RBFOX1: variants seen among roughly 807,000 people sequenced by gnomAD.
The protein encoded by RBFOX1 is RNA binding fox-1 homolog 1, also known as RNA binding protein fox-1 homolog 1.
Under a neutral mutation model 57.7 loss-of-function variants are expected in RBFOX1, and 8 were observed. The observed-to-expected ratio is 0.14, with a 90% confidence interval of 0.08 to 0.25. The LOEUF (loss-of-function observed/expected upper bound fraction) is 0.25. RBFOX1 is among the 10% of genes least tolerant of loss of function. The probability of loss-of-function intolerance (pLI) is 1.00; values close to 1 mark genes in which losing one functional copy is unlikely to be tolerated. For missense variants in RBFOX1, 611 were observed against 548.5 expected, an observed-to-expected ratio of 1.11 and a Z score of -1.14; for synonymous variants, 326 against 222.4, an observed-to-expected ratio of 1.47 and a Z score of -4.15.
chr16:6,606,290 C>T (rs938451425), intron 2 of RBFOX1, among the ~76,000 whole-genome samples: 4 of 152,052 alleles, frequency 2.6e-5, no homozygotes, highest in African/African-American at 7.2e-5. Flanking sequence ...GCCACTTCTT[C>T]CTGGAATTCA....
At chr16:6,259,982 G>A (rs2097692161) in intron 1 of RBFOX1, among the ~76,000 whole-genome samples, 1 of 150,096 alleles carries the variant, frequency 6.7e-6, no homozygotes, top group South Asian at 2.1e-4. Flanking sequence ...AAAAGCTGAT[G>A]AAAATAAGTC....
At chr16:5,935,956 G>A (rs1477068721) in intron 4 of RBFOX1, among the ~76,000 whole-genome samples, 1 of 152,096 alleles carries the variant, frequency 6.6e-6, no homozygotes, top group African/African-American at 2.4e-5. Flanking sequence ...GGCCCTCAGG[G>A]CCTTCGTTCT....
At chr16:7,530,244 A>C (rs969856619) in intron 5 of RBFOX1, among the ~76,000 whole-genome samples, 1 of 152,108 alleles carries the variant, frequency 6.6e-6, no homozygotes, top group Non-Finnish European at 1.5e-5. Context: ...AACCCAATGT[A>C]AGGATGTCCT....
intron 4 of RBFOX1, among the ~76,000 whole-genome samples, chr16:5,962,297 T>G (rs1375810969): frequency 2.6e-5 from 4 of 152,192 alleles, no homozygotes; most frequent in African/African-American, 9.7e-5. Flanking sequence ...CCAGACTCAG[T>G]CTCTCCCTGT....
At chr16:5,579,711 C>T (rs958756786) in intron 2 of RBFOX1, among the ~76,000 whole-genome samples, 1 of 152,090 alleles carries the variant, frequency 6.6e-6, no homozygotes, top group African/African-American at 2.4e-5. Flanking sequence ...CTTTTCCTTT[C>T]ATGACACTTA....
At chr16:6,871,808 T>A (rs945860472) in intron 3 of RBFOX1, among the ~76,000 whole-genome samples, 1 of 152,156 alleles carries the variant, frequency 6.6e-6, no homozygotes, top group African/African-American at 2.4e-5. Context: ...GGAAATGTTG[T>A]CAGTGGCCCT....
chr16:7,421,880 G>T (rs2098546085), intron 4 of RBFOX1, among the ~76,000 whole-genome samples: 1 of 152,148 alleles, frequency 6.6e-6, no homozygotes, highest in South Asian at 2.1e-4. Flanking sequence ...CTTTTTGAAG[G>T]AGAAGTGAGC....
At chr16:6,143,144 A>C (rs561493342) in intron 1 of RBFOX1, among the ~76,000 whole-genome samples, 1 of 152,320 alleles carries the variant, frequency 6.6e-6, no homozygotes, top group Admixed American at 6.5e-5. Flanking sequence ...CTTTGTCCAA[A>C]GATTTCCCTC....
intron 4 of RBFOX1, among the ~76,000 whole-genome samples, chr16:7,210,259 G>C (rs779164539): frequency 6.6e-6 from 1 of 152,150 alleles, no homozygotes; most frequent in South Asian, 2.1e-4. Context: ...ATAGGATTGC[G>C]AGGCTGACTA....
intron 3 of RBFOX1, among the ~76,000 whole-genome samples, chr16:7,029,092 ACACAC>A (rs2041975183): frequency 4.6e-5 from 1 of 21,626 alleles, no homozygotes; most frequent in African/African-American, 1.8e-4. Context: ...ACACACACAC[ACACAC>A]ACACACACAC....
At chr16:6,834,075 A>G (rs60359240) in intron 3 of RBFOX1, among the ~76,000 whole-genome samples, 1 of 150,960 alleles carries the variant, frequency 6.6e-6, no homozygotes, top group Non-Finnish European at 1.5e-5. Context: ...TTCTATTTTT[A>G]TTTTTTTGAG....
At chr16:7,609,881 G>C (rs140363788) in intron 10 of RBFOX1, among the ~76,000 whole-genome samples, 2,145 of 151,882 alleles carry the variant, frequency 0.014, 22 homozygotes, top group East Asian at 0.043. Flanking sequence ...GCAGTGGCGC[G>C]GTCTCAGTTC....
At chr16:5,532,381 C>T (rs1056424735) in intron 2 of RBFOX1, among the ~76,000 whole-genome samples, 2 of 152,158 alleles carry the variant, frequency 1.3e-5, no homozygotes, top group African/African-American at 2.4e-5. Context: ...GTGTAGAATA[C>T]GGCATCAGTA....
chr16:6,831,647 AT>A (rs570481704), intron 3 of RBFOX1, among the ~76,000 whole-genome samples: 2 of 151,946 alleles, frequency 1.3e-5, no homozygotes, highest in African/African-American at 4.8e-5. Flanking sequence ...GGTTTTAAGC[AT>A]TTTTTTTAAT....
chr16:6,698,008 TATC>T (rs1369604472), intron 3 of RBFOX1, among the ~76,000 whole-genome samples: 2 of 152,212 alleles, frequency 1.3e-5, no homozygotes, highest in Non-Finnish European at 2.9e-5. Flanking sequence ...TCAAACTTAT[TATC>T]CTCCTCAGTA....
intron 2 of RBFOX1, among the ~76,000 whole-genome samples, chr16:5,484,985 G>C (rs1457969775): frequency 6.6e-6 from 1 of 151,938 alleles, no homozygotes; most frequent in African/African-American, 2.4e-5. Context: ...CTTGAGTCTA[G>C]GAGTTTGAAG....
chr16:7,579,446 G>C (rs1233256287), intron 5 of RBFOX1, among the ~76,000 whole-genome samples: 2 of 151,796 alleles, frequency 1.3e-5, no homozygotes, highest in African/African-American at 4.8e-5. Flanking sequence ...CCCTTCCTTT[G>C]CTTTTTCTAG....
At chr16:6,084,434 G>T (rs986329944) in intron 1 of RBFOX1, among the ~76,000 whole-genome samples, 15 of 152,128 alleles carry the variant, frequency 9.9e-5, no homozygotes, top group African/African-American at 2.4e-4. Flanking sequence ...TGTGAAGACG[G>T]AGTCTCACCA....
chr16:6,511,851 A>T (rs13331905), intron 2 of RBFOX1, among the ~76,000 whole-genome samples: 15,043 of 152,198 alleles, frequency 0.099, 872 homozygotes, highest in African/African-American at 0.14. Flanking sequence ...TTCTTTTGAT[A>T]ATATCTTGAT....
Sources: allele counts gnomAD v4.1 joint callset (sites outside exome capture counted in the v4.1 genomes callset), GRCh38; gene constraint gnomAD v4.1.1; transcripts MANE v1.5; gene names NCBI Gene and HGNC (gene_info 2026-07-23, HGNC 2026-07-21).